The following DNAAF4 variants were observed in gnomAD, a reference collection of about 807,000 sequenced individuals.
DNAAF4 encodes the protein dynein assembly factor 4, axonemal.
In DNAAF4, 43 loss-of-function variants were observed where a neutral mutation model predicts 51.8. The ratio of observed to expected loss-of-function variants is 0.83; its 90% confidence interval spans 0.65 to 1.07. The LOEUF is 1.07. Ranked by LOEUF, DNAAF4 falls within the 50% of genes least tolerant of loss-of-function variation. The pLI, the probability that DNAAF4 is intolerant of heterozygous loss-of-function variation, is 0.00. For missense variants in DNAAF4, 581 were observed against 493.0 expected (o/e 1.18, Z -1.69); for synonymous variants, 194 against 165.6 (o/e 1.17, Z -1.32).
chr15:55,489,366 A>G (rs1257618473), intron 4 of DNAAF4, among the ~76,000 whole-genome samples: 1 of 152,162 alleles, frequency 6.6e-6, no homozygotes, highest in Non-Finnish European at 1.5e-5. Flanking sequence ...GACCAGTTCA[A>G]TTATTAAGTA....
chr15:55,469,961 T>A (rs1282535967), intron 4 of DNAAF4, among the ~76,000 whole-genome samples: 1 of 152,146 alleles, frequency 6.6e-6, no homozygotes, highest in Non-Finnish European at 1.5e-5. Flanking sequence ...CAATCAGCTA[T>A]AAGTTGGGGG....
chr15:55,428,107 C>G (rs1271834530), downstream of DNAAF4, among the ~76,000 whole-genome samples: 1 of 152,004 alleles, frequency 6.6e-6, no homozygotes, highest in African/African-American at 2.4e-5. Context: ...GCACCTGCCA[C>G]CATGCCCGGC....
intron 7 of DNAAF4, chr15:55,418,416 C>G: frequency 1.3e-6 from 2 of 1,529,526 alleles, no homozygotes; most frequent in East Asian, 2.4e-5. Context: ...GAATTTCTAC[C>G]TATTCCACAG....
At chr15:55,476,506 C>G (rs2058336921) in intron 4 of DNAAF4, among the ~76,000 whole-genome samples, 1 of 152,044 alleles carries the variant, frequency 6.6e-6, no homozygotes, top group African/African-American at 2.4e-5. Context: ...TTCATACCTA[C>G]AAGAAAGAAT....
chr15:55,435,810 C>A (rs2057598931), intron 7 of DNAAF4, among the ~76,000 whole-genome samples: 1 of 152,076 alleles, frequency 6.6e-6, no homozygotes, highest in Non-Finnish European at 1.5e-5. Flanking sequence ...TTTTTTGAGA[C>A]AGAGTTTCAC....
chr15:55,473,331 ATGTGTGTATATATATG>A (rs2058292235), intron 4 of DNAAF4, among the ~76,000 whole-genome samples: 2 of 124,086 alleles, frequency 1.6e-5, no homozygotes, highest in African/African-American at 7.1e-5. Flanking sequence ...GTGTATATAT[ATGTGTGTATATATATG>A]TGTGTATATA....
chr15:55,420,599 C>A (rs963808228), intron 7 of DNAAF4, among the ~76,000 whole-genome samples: 1 of 152,126 alleles, frequency 6.6e-6, no homozygotes, highest in Admixed American at 6.6e-5. Flanking sequence ...CCAAATACCC[C>A]CCCAAAACTG....
At chr15:55,463,125 G>A (rs2141494367) in intron 5 of DNAAF4, among the ~76,000 whole-genome samples, 1 of 150,826 alleles carries the variant, frequency 6.6e-6, no homozygotes, top group East Asian at 2.0e-4. Context: ...AGTGAGCCAA[G>A]ATCATGCCAC....
intron 5 of DNAAF4, among the ~76,000 whole-genome samples, chr15:55,450,836 G>A (rs1373374938): frequency 6.6e-6 from 1 of 152,228 alleles, no homozygotes; most frequent in African/African-American, 2.4e-5. Context: ...AGTGGCTCAT[G>A]TCTGTAATCA....
downstream of DNAAF4, among the ~76,000 whole-genome samples, chr15:55,428,919 A>G (rs552334336): frequency 2.0e-5 from 3 of 152,022 alleles, no homozygotes; most frequent in African/African-American, 7.2e-5. Context: ...GGCCAATTAG[A>G]CCTTTAAACT....
intron 4 of DNAAF4, among the ~76,000 whole-genome samples, chr15:55,483,225 T>C (rs1416715735): frequency 6.6e-6 from 1 of 151,942 alleles, no homozygotes. Context: ...GCCTTCCGAG[T>C]AGCTGGGACT....
intron 4 of DNAAF4, among the ~76,000 whole-genome samples, chr15:55,487,968 C>G (rs771852274): frequency 3.9e-5 from 6 of 152,118 alleles, no homozygotes; most frequent in Non-Finnish European, 5.9e-5. Context: ...TATGACACAG[C>G]AGGGGCTTTA....
chr15:55,497,098 G>A (rs1032053397), intron 3 of DNAAF4, among the ~76,000 whole-genome samples: 3 of 152,078 alleles, frequency 2.0e-5, no homozygotes, highest in Admixed American at 1.3e-4. Context: ...TGTTCTAAGC[G>A]GCCTACATCC....
At chr15:55,439,763 G>A (rs2057677197) in intron 6 of DNAAF4, among the ~76,000 whole-genome samples, 182 bp from the exon 7 acceptor site, 1 of 152,106 alleles carries the variant, frequency 6.6e-6, no homozygotes, top group African/African-American at 2.4e-5. Flanking sequence ...ATGTGAATCG[G>A]TATTTGGTAG....
intron 1 of DNAAF4, among the ~76,000 whole-genome samples, chr15:55,503,677 A>G (rs2058711498): frequency 6.6e-6 from 1 of 152,202 alleles, no homozygotes; most frequent in African/African-American, 2.4e-5. Context: ...CAAAAACCAC[A>G]TGATCATCTG....
At chr15:55,479,356 A>G (rs949746451) in intron 4 of DNAAF4, among the ~76,000 whole-genome samples, 1 of 152,048 alleles carries the variant, frequency 6.6e-6, no homozygotes, top group South Asian at 2.1e-4. Flanking sequence ...TTCCCAAATA[A>G]TACTTTTATA....
rs146341589 is a variant in DNAAF4 at position 55,483,118 on chromosome 15, A to G, written c.405+8005T>C. ...TATTTATTTATTTATTTATTTTGAG[A>G]CAGAGTTTTGCTCTGTCGCTTAGGC... On this transcript the variant is annotated intron_variant, in intron 4 of 9. Transcript: ENST00000321149. Among the ~76,000 whole-genome samples, 1,210 of 152,074 alleles carry G rather than the reference A, an allele frequency of 8.0e-3. 14 individuals carry two copies. Among genetic ancestry groups the G allele is most frequent in the African/African-American group, 0.027 (1,138 of 41,450 alleles).
At chr15:55,480,219 C>T (rs2058390194) in intron 4 of DNAAF4, among the ~76,000 whole-genome samples, 1 of 152,072 alleles carries the variant, frequency 6.6e-6, no homozygotes, top group African/African-American at 2.4e-5. Flanking sequence ...GTGATGTCAC[C>T]CCCGATGGCC....
In DNAAF4 at chr15:55,430,356, C is replaced by T. The variant is rs1002862995; in HGVS notation, c.*314G>A. 1.1e-4 allele frequency: 103 copies of T among 980,312 alleles called. No individual in the cohort carries two copies. The African/African-American group carries it at 1.5e-3, about 14-fold the overall frequency. 60.7% of individuals were successfully genotyped at this position (980,312 alleles called of 1,614,324 possible). A position where few individuals can be genotyped will look rare whatever the true frequency, so the allele number is the denominator to read the frequency against. On this transcript the variant is annotated 3_prime_UTR_variant, in exon 10 of 10. Transcript: ENST00000321149. ...AAATTCTACCTTGTTAAAAATTAAT[C>T]AGTAAGTGTCCTGGTAACTATACCA...
Sources: allele counts gnomAD v4.1 joint callset (sites outside exome capture counted in the v4.1 genomes callset), GRCh38; gene constraint gnomAD v4.1.1; transcripts MANE v1.5; gene names NCBI Gene and HGNC (gene_info 2026-07-23, HGNC 2026-07-21).